The following TTC6 variants were observed in gnomAD, a reference collection of about 807,000 sequenced individuals.
The protein encoded by TTC6 is tetratricopeptide repeat protein 6.
Under a neutral mutation model 210.4 loss-of-function variants are expected in TTC6, and 172 were observed. The observed-to-expected ratio is 0.82, with a 90% CI of 0.72 to 0.93. The LOEUF (loss-of-function observed/expected upper bound fraction) is 0.93. Ranked by LOEUF, TTC6 falls within the 40% of genes least tolerant of loss-of-function variation. The probability of loss-of-function intolerance (pLI) is 0.00; values close to 1 mark genes in which losing one functional copy is unlikely to be tolerated. For missense variants in TTC6, 2,414 were observed against 2,318.1 expected (o/e 1.04, Z -0.85); for synonymous variants, 804 against 819.6 (o/e 0.98, Z 0.32).
upstream of TTC6, among the ~76,000 whole-genome samples, chr14:37,621,052 G>A (rs1215354553): frequency 6.6e-6 from 1 of 152,158 alleles, no homozygotes; most frequent in Non-Finnish European, 1.5e-5. Context: ...TCATAATCTA[G>A]CTGCAGCCTG....
chr14:37,682,015 C>T (rs140150063), intron 2 of TTC6, among the ~76,000 whole-genome samples: 19 of 152,070 alleles, frequency 1.2e-4, no homozygotes, highest in African/African-American at 4.6e-4. Context: ...TCTGTGGTGA[C>T]CATAGAAGCT....
At chr14:37,782,309 G>T (rs2139266742) in intron 14 of TTC6, among the ~76,000 whole-genome samples, 1 of 152,256 alleles carries the variant, frequency 6.6e-6, no homozygotes, top group East Asian at 1.9e-4. Context: ...TCATTGAACA[G>T]TGGTTTGTAA....
intron 10 of TTC6, among the ~76,000 whole-genome samples, chr14:37,744,118 T>C (rs1249159846): frequency 6.6e-6 from 1 of 152,224 alleles, no homozygotes; most frequent in African/African-American, 2.4e-5. Flanking sequence ...GTGATTTCTC[T>C]TATTAAATCA....
At chr14:37,806,003 T>TC (rs2096117770) in intron 21 of TTC6, among the ~76,000 whole-genome samples, 1 of 152,170 alleles carries the variant, frequency 6.6e-6, no homozygotes, top group Non-Finnish European at 1.5e-5. Context: ...CCTGGCCTGT[T>TC]CTGAAGTTTT....
At chr14:37,783,612 T>G (rs2139277513) in intron 14 of TTC6, among the ~76,000 whole-genome samples, 2 of 152,298 alleles carry the variant, frequency 1.3e-5, no homozygotes, top group East Asian at 3.9e-4. Context: ...TTGAAGGATT[T>G]TTTGTGTCTC....
intron 2 of TTC6, 99 bp downstream of exon 2, chr14:37,606,841 G>A: frequency 2.1e-6 from 2 of 937,156 alleles, no homozygotes; most frequent in Non-Finnish European, 2.5e-6. Context: ...AGCCATGAAG[G>A]CTCCAGGATT....
intron 5 of TTC6, among the ~76,000 whole-genome samples, chr14:37,713,138 A>G (rs965291157): frequency 2.0e-5 from 3 of 152,192 alleles, no homozygotes; most frequent in Admixed American, 6.5e-5. Context: ...TGTCTGTTTG[A>G]CATGCTCACT....
intron 26 of TTC6, among the ~76,000 whole-genome samples, chr14:37,822,612 A>G (rs939307045): frequency 6.6e-6 from 1 of 152,126 alleles, no homozygotes; most frequent in Non-Finnish European, 1.5e-5. Flanking sequence ...AATTAATATT[A>G]ATTTGCATGT....
chr14:37,612,280 A>G (rs2095636014), intron 2 of TTC6, among the ~76,000 whole-genome samples: 1 of 152,174 alleles, frequency 6.6e-6, no homozygotes, highest in South Asian at 2.1e-4. Context: ...GACACTATAG[A>G]AGAGGTTGCA....
chr14:37,597,052 A>T (rs1038131101), intron 1 of TTC6, among the ~76,000 whole-genome samples: 6 of 150,612 alleles, frequency 4.0e-5, no homozygotes, highest in African/African-American at 1.5e-4. Flanking sequence ...TAGAAACGTC[A>T]CATCATAAGG....
At chr14:37,695,731 G>A (rs1166700789) in intron 3 of TTC6, among the ~76,000 whole-genome samples, 2 of 152,056 alleles carry the variant, frequency 1.3e-5, no homozygotes, top group Non-Finnish European at 2.9e-5. Context: ...AAGGAAAAAT[G>A]CTCAAGGGAA....
exon 25 of TTC6, chr14:37,812,364 A>C: frequency 6.2e-7 from 1 of 1,613,582 alleles, no homozygotes; most frequent in Non-Finnish European, 8.5e-7. Context: ...CAGAAACTGT[A>C]AAACTAAATA....
intron 12 of TTC6, among the ~76,000 whole-genome samples, chr14:37,750,734 A>G (rs1364336932): frequency 1.3e-5 from 2 of 152,008 alleles, no homozygotes; most frequent in Non-Finnish European, 2.9e-5. Flanking sequence ...AAAAAAAAAT[A>G]CAAAAATTAG....
At chr14:37,692,860 A>AAAATAAAT (rs3985274) in intron 3 of TTC6, among the ~76,000 whole-genome samples, 24 of 143,636 alleles carry the variant, frequency 1.7e-4, no homozygotes, top group Non-Finnish European at 2.9e-4. Flanking sequence ...CTCCATCTCA[A>AAAATAAAT]AAATAAATAA....
chr14:37,781,101 G>A (rs765262601), intron 14 of TTC6, among the ~76,000 whole-genome samples: 1 of 152,166 alleles, frequency 6.6e-6, no homozygotes, highest in Non-Finnish European at 1.5e-5. Flanking sequence ...GTGTGCATGT[G>A]TCTTTATCAT....
At chr14:37,805,426 C>CACACAT (rs1350659091) in intron 21 of TTC6, among the ~76,000 whole-genome samples, 1 of 138,692 alleles carries the variant, frequency 7.2e-6, no homozygotes, top group African/African-American at 2.5e-5. Flanking sequence ...GACACACACA[C>CACACAT]ACACACACAC....
intron 14 of TTC6, among the ~76,000 whole-genome samples, chr14:37,783,064 A>T (rs2096059186): frequency 2.0e-5 from 3 of 152,136 alleles, no homozygotes; most frequent in East Asian, 1.9e-4. Flanking sequence ...ATCGATGTTC[A>T]TCAGGGATAT....
In TTC6 at chr14:37,696,757, T is replaced by C. The variant is rs774365387; in HGVS notation, c.1298T>C (p.Ile433Thr). Residue 433 changes from isoleucine (I) to threonine (T), a missense_variant, in exon 4 of 31, where the codon ATT becomes ACT. Ile to Thr is a moderately conservative substitution (Grantham distance 89, BLOSUM62 -1). Transcript: ENST00000553443. The stretch of plus-strand genomic sequence containing the variant: ...TTCTTGCAAATCGAAGGAAAAGAAA[T>C]TAAGCGAATGCGGAAACGTAAATCA... 4.8e-6 allele frequency: 7 copies of C among 1,469,510 alleles called. No homozygotes were observed. The South Asian group carries it at 9.9e-5, about 21-fold the overall frequency. The allele number at this position is 1,469,510 out of a possible 1,614,324, so 91.0% of individuals were successfully genotyped here.
intron 3 of TTC6, 150 bp downstream of exon 5, chr14:37,683,114 A>G (rs2095787584): frequency 6.1e-6 from 4 of 659,798 alleles, no homozygotes; most frequent in Non-Finnish European, 7.6e-6. Flanking sequence ...TCAGAAGTGC[A>G]AGTTGCCCAC....
Sources: allele counts gnomAD v4.1 joint callset (sites outside exome capture counted in the v4.1 genomes callset), GRCh38; gene constraint gnomAD v4.1.1; transcripts MANE v1.5; gene names NCBI Gene and HGNC (gene_info 2026-07-23, HGNC 2026-07-21).